LSM2: variants seen among roughly 807,000 people sequenced by gnomAD.
The protein encoded by LSM2 is U6 snRNA-associated Sm-like protein LSm2.
Under a neutral mutation model 17.0 loss-of-function variants are expected in LSM2, and 12 were observed. The observed-to-expected ratio is 0.70, with a 90% CI of 0.45 to 1.14. LSM2 has a LOEUF of 1.14. Among genes scored for constraint, LSM2 ranks in the 50% most tolerant of loss-of-function variants. The pLI is 0.00. For missense variants in LSM2, 62 were observed against 111.8 expected (o/e 0.55, Z 2.01); for synonymous variants, 42 against 44.5 (o/e 0.94, Z 0.22).
Position 31,806,156 on chromosome 6 carries a change from G to A in LSM2, c.4-14C>T, listed in dbSNP as rs755054621. On this transcript the variant is annotated splice_polypyrimidine_tract_variant and intron_variant, in intron 1 of 4. Transcript: ENST00000375661. ...AGAATAGAAGAGCTATTGGGAGAGA[G>A]GGGGAAAACCATCATGTGGGAAGGA... 1.2e-6 allele frequency: 2 copies of A among 1,612,114 alleles called. No individual in the cohort carries two copies. Among genetic ancestry groups the A allele is most frequent in the East Asian group, 4.5e-5 (2 of 44,886 alleles).
chr6:31,804,910 G>A (rs574975028), intron 2 of LSM2, among the ~76,000 whole-genome samples: 5 of 151,868 alleles, frequency 3.3e-5, no homozygotes, highest in East Asian at 1.9e-4. Flanking sequence ...GGAACTACAG[G>A]AGCATGCCAC....
rs576406282 is a variant in LSM2 at position 31,797,632 on chromosome 6, A to C, written c.*125T>G. The stretch of plus-strand genomic sequence containing the variant: ...CTCATCCACTCATCCCTTAAAAAAA[A>C]CCCACAAAACCATCATTAGTAAAAA... On this transcript the variant is annotated 3_prime_UTR_variant, in exon 5 of 5. Transcript: ENST00000375661. 1.1e-4 allele frequency: 153 copies of C among 1,419,124 alleles called. 1 individual carries two copies. The highest frequency in any genetic ancestry group is 4.2e-4 in the South Asian group (32 of 76,728). The allele number at this position is 1,419,124 out of a possible 1,614,324, so 87.9% of individuals were successfully genotyped here.
intron 1 of LSM2, 85 bp downstream of exon 1, chr6:31,806,670 C>A: frequency 6.5e-7 from 1 of 1,546,614 alleles, no homozygotes; most frequent in Non-Finnish European, 8.8e-7. Flanking sequence ...GACCTAACTC[C>A]AGCCTAGGGG....
chr6:31,800,755 C>T (rs1373201192), intron 2 of LSM2, among the ~76,000 whole-genome samples: 3 of 151,908 alleles, frequency 2.0e-5, no homozygotes, highest in Admixed American at 6.6e-5. Flanking sequence ...GGCATGGTGG[C>T]GGGCACCTGT....
chr6:31,804,669 T>C (rs1814899150), intron 2 of LSM2, among the ~76,000 whole-genome samples: 1 of 152,124 alleles, frequency 6.6e-6, no homozygotes, highest in Non-Finnish European at 1.5e-5. Context: ...GTTCTCGCTC[T>C]CTTGACCTCG....
intron 2 of LSM2, among the ~76,000 whole-genome samples, chr6:31,802,317 C>T (rs936791673): frequency 6.6e-6 from 1 of 151,716 alleles, no homozygotes; most frequent in Non-Finnish European, 1.5e-5. Context: ...AAAAAGAAGG[C>T]TGGGCGCAGT....
intron 2 of LSM2, among the ~76,000 whole-genome samples, chr6:31,804,829 C>A (rs923682682): frequency 7.5e-5 from 11 of 146,278 alleles, no homozygotes; most frequent in Admixed American, 4.3e-4. Context: ...TGCGGTGGCA[C>A]CATCTTGGCT....
At chr6:31,799,449 C>G (rs986695997) in intron 2 of LSM2, among the ~76,000 whole-genome samples, 2 of 152,130 alleles carry the variant, frequency 1.3e-5, no homozygotes, top group Non-Finnish European at 2.9e-5. Context: ...CTCCATCTCC[C>G]AGGTTCACGC....
chr6:31,800,466 G>A (rs905490245), intron 2 of LSM2, among the ~76,000 whole-genome samples: 83 of 152,106 alleles, frequency 5.5e-4, no homozygotes, highest in African/African-American at 1.8e-3. Context: ...AAAACCCAGC[G>A]TCTAGGCCAT....
intron 3 of LSM2, 119 bp from the exon 4 acceptor site, chr6:31,798,168 G>A (rs772738001): frequency 3.8e-5 from 37 of 967,968 alleles, no homozygotes; most frequent in Admixed American, 6.4e-5. Flanking sequence ...TGCAATCTCC[G>A]CCTCCTGGGT....
intron 2 of LSM2, among the ~76,000 whole-genome samples, chr6:31,800,077 C>T (rs928207855): frequency 6.6e-6 from 1 of 152,184 alleles, no homozygotes; most frequent in Non-Finnish European, 1.5e-5. Flanking sequence ...TGGCTCACGC[C>T]TATAATTCCA....
rs561751517 is a variant in LSM2 at position 31,798,597 on chromosome 6, G to C, written c.72-90C>G. On this transcript the variant is annotated intron_variant, in intron 2 of 4. Coordinates refer to ENST00000375661, the MANE Select transcript of LSM2 (RefSeq NM_021177.5). Reference sequence around the variant, plus strand: ...TCAGAGCTGGGATGAGAACATGACTGGGAGAAGTCAAGGACTTGAGGATGT... The same window carrying C: ...TCAGAGCTGGGATGAGAACATGACTCGGAGAAGTCAAGGACTTGAGGATGT... 6 of 1,457,842 alleles carry C rather than the reference G, an allele frequency of 4.1e-6. No homozygotes were observed. The East Asian group carries it at 6.8e-5, about 17-fold the overall frequency. The allele number at this position is 1,457,842 out of a possible 1,614,324, so 90.3% of individuals were successfully genotyped here. A position where few individuals can be genotyped will look rare whatever the true frequency, so the allele number is the denominator to read the frequency against.
At chr6:31,805,523 C>T (rs887594613) in intron 2 of LSM2, among the ~76,000 whole-genome samples, 2 of 152,048 alleles carry the variant, frequency 1.3e-5, no homozygotes, top group African/African-American at 2.4e-5. Context: ...AGCCACCGTG[C>T]CCGGCTAATT....
chr6:31,803,056 A>G (rs1228251308), intron 2 of LSM2, among the ~76,000 whole-genome samples: 1 of 152,228 alleles, frequency 6.6e-6, no homozygotes, highest in Non-Finnish European at 1.5e-5. Flanking sequence ...CCTAAGACTG[A>G]TAGTGATTAC....
intron 2 of LSM2, among the ~76,000 whole-genome samples, chr6:31,803,097 A>G (rs996084784): frequency 2.0e-5 from 3 of 152,158 alleles, no homozygotes; most frequent in Non-Finnish European, 4.4e-5. Flanking sequence ...GCCCCAATCT[A>G]TACACATCAA....
At chr6:31,798,351 C>A in intron 3 of LSM2, 126 bp downstream of exon 3, 1 of 1,125,462 alleles carries the variant, frequency 8.9e-7, no homozygotes, top group Non-Finnish European at 1.3e-6. Context: ...GGATTACAGG[C>A]GTGAGCCACC....
At chr6:31,803,846 C>G (rs1814854434) in intron 2 of LSM2, among the ~76,000 whole-genome samples, 1 of 152,062 alleles carries the variant, frequency 6.6e-6, no homozygotes, top group Non-Finnish European at 1.5e-5. Context: ...TCCCAAAGTG[C>G]TGGGATTACA....
At position 31,797,651 on chromosome 6, in the gene LSM2, G is replaced by A; in HGVS notation, c.*106C>T. 5.2e-6 allele frequency: 8 copies of A among 1,534,016 alleles called. No homozygotes were observed. Among genetic ancestry groups the A allele is most frequent in the Admixed American group, 1.9e-5 (1 of 52,194 alleles). ...AAAAAAACCCACAAAACCATCATTA[G>A]TAAAAAAACAAAACCCCTTCAAGTA... On this transcript the variant is annotated 3_prime_UTR_variant, in exon 5 of 5. Coordinates refer to ENST00000375661, the MANE Select transcript of LSM2 (RefSeq NM_021177.5).
chr6:31,798,585 G>T, intron 2 of LSM2, 78 bp from the exon 3 acceptor site: 2 of 1,531,738 alleles, frequency 1.3e-6, no homozygotes, highest in South Asian at 2.3e-5. Flanking sequence ...GAGCTGGGAT[G>T]AGAACATGAC....
Sources: allele counts gnomAD v4.1 joint callset (sites outside exome capture counted in the v4.1 genomes callset), GRCh38; gene constraint gnomAD v4.1.1; transcripts MANE v1.5; gene names NCBI Gene and HGNC (gene_info 2026-07-23, HGNC 2026-07-21).